The following UBE2Q2 variants were observed in gnomAD, a reference collection of about 807,000 sequenced individuals.
The protein encoded by UBE2Q2 is ubiquitin conjugating enzyme E2 Q2.
Under a neutral mutation model 59.9 loss-of-function variants are expected in UBE2Q2, and 54 were observed. The ratio of observed to expected loss-of-function variants is 0.90; its 90% confidence interval spans 0.72 to 1.13. UBE2Q2 has a LOEUF of 1.13. Among genes scored for constraint, UBE2Q2 ranks in the 50% most tolerant of loss-of-function variants. The pLI, the probability that UBE2Q2 is intolerant of heterozygous loss-of-function variation, is 0.00. For missense variants in UBE2Q2, 433 were observed against 441.9 expected (o/e 0.98, Z 0.18); for synonymous variants, 165 against 155.2 (o/e 1.06, Z -0.47).
intron 8 of UBE2Q2, among the ~76,000 whole-genome samples, chr15:75,879,956 T>C (rs1898311625): frequency 6.6e-6 from 1 of 152,150 alleles, no homozygotes; most frequent in Non-Finnish European, 1.5e-5. Context: ...CTGAAAGGTA[T>C]ATCTGCGCAG....
Position 75,891,076 on chromosome 15 carries a change from T to C in UBE2Q2, c.1029+62T>C, listed in dbSNP as rs1899073922. On this transcript the variant is annotated intron_variant, in intron 11 of 12. Coordinates refer to ENST00000267938, the MANE Select transcript of UBE2Q2 (RefSeq NM_173469.4). ...ACATTTTATATTACTTTATAAGCTTTCTTCCTGTCTTGACTTAATTCTTTT... is the reference window on the plus strand; with the variant it reads ...ACATTTTATATTACTTTATAAGCTTCCTTCCTGTCTTGACTTAATTCTTTT... 4 of 1,301,602 alleles carry C rather than the reference T, an allele frequency of 3.1e-6. No individual in the cohort carries two copies. The South Asian group carries it at 4.0e-5, about 13-fold the overall frequency. The allele number at this position is 1,301,602 out of a possible 1,614,324, so 80.6% of individuals were successfully genotyped here. A position where few individuals can be genotyped will look rare whatever the true frequency, so the allele number is the denominator to read the frequency against.
intron 3 of UBE2Q2, 84 bp downstream of exon 3, chr15:75,860,066 G>T (rs1897132687): frequency 1.0e-6 from 1 of 965,046 alleles, no homozygotes; most frequent in African/African-American, 1.7e-5. Context: ...TCTTTTTATT[G>T]TTCAACTTAT....
intron 12 of UBE2Q2, among the ~76,000 whole-genome samples, chr15:75,898,391 T>A (rs182194797): frequency 0.022 from 3,356 of 152,170 alleles, 145 homozygotes; most frequent in African/African-American, 0.076. Context: ...TTTGTTATTT[T>A]AAAAAAATAG....
chr15:75,858,870 A>C (rs1897063606), intron 2 of UBE2Q2, among the ~76,000 whole-genome samples: 1 of 152,218 alleles, frequency 6.6e-6, no homozygotes, highest in African/African-American at 2.4e-5. Context: ...TTTACCGTTC[A>C]ACCTTCCTCA....
chr15:75,855,063 TA>T (rs1331243108), intron 2 of UBE2Q2, among the ~76,000 whole-genome samples: 143 of 152,356 alleles, frequency 9.4e-4, no homozygotes, highest in African/African-American at 3.2e-3. Context: ...TTTCTCTACC[TA>T]ATATAACCAC....
rs912633825 is a variant in UBE2Q2 at position 75,843,615 on chromosome 15, C to G, written c.-52C>G. 6 of 1,512,850 alleles carry G rather than the reference C, an allele frequency of 4.0e-6. No homozygotes were observed. In the African/African-American group the frequency reaches 8.7e-5, roughly 22 times the overall value. The allele number at this position is 1,512,850 out of a possible 1,614,324, so 93.7% of individuals were successfully genotyped here. On this transcript the variant is annotated 5_prime_UTR_variant, in exon 1 of 13. Coordinates refer to ENST00000267938, the MANE Select transcript of UBE2Q2 (RefSeq NM_173469.4). The stretch of plus-strand genomic sequence containing the variant: ...GACGGCGGCTCCGGGCCCGGCTCCC[C>G]TTCCGCGCCCGGCTCCCCTTCCGCG...
At chr15:75,877,106 A>G (rs1318157219) in intron 6 of UBE2Q2, among the ~76,000 whole-genome samples, 1 of 133,038 alleles carries the variant, frequency 7.5e-6, no homozygotes, top group East Asian at 2.5e-4. Flanking sequence ...GGCTGTAGTG[A>G]GCCAAGATTG....
At chr15:75,863,842 A>G (rs775491635) in intron 3 of UBE2Q2, among the ~76,000 whole-genome samples, 1 of 151,988 alleles carries the variant, frequency 6.6e-6, no homozygotes, top group African/African-American at 2.4e-5. Context: ...GGGTTTCACC[A>G]TGTTGGCCAG....
chr15:75,858,835 C>T (rs932302156), intron 2 of UBE2Q2, among the ~76,000 whole-genome samples: 6 of 152,226 alleles, frequency 3.9e-5, no homozygotes, highest in Admixed American at 3.9e-4. Flanking sequence ...TCCGTTTAAG[C>T]ATGAAGATTT....
intron 9 of UBE2Q2, among the ~76,000 whole-genome samples, chr15:75,887,567 T>C (rs1898855465): frequency 7.1e-6 from 1 of 140,856 alleles, no homozygotes; most frequent in South Asian, 2.2e-4. Flanking sequence ...GCCACAGATC[T>C]TTTTTTTTTT....
intron 4 of UBE2Q2, among the ~76,000 whole-genome samples, chr15:75,869,804 T>C (rs1315774328): frequency 6.6e-6 from 1 of 152,218 alleles, no homozygotes; most frequent in Non-Finnish European, 1.5e-5. Context: ...CCAAAGACAT[T>C]GAGCTTAGGC....
In UBE2Q2 at chr15:75,878,019, G is replaced by C; in HGVS notation, c.732G>C (p.Gln244His). 1 of 1,613,724 alleles carries C rather than the reference G, an allele frequency of 6.2e-7. No individual in the cohort carries two copies. Among genetic ancestry groups the C allele is most frequent in the Non-Finnish European group, 8.5e-7 (1 of 1,179,830 alleles). The part of the protein sequence containing the change: ...DSLYDWHVKL[Q>H]KVDPDSPLHS... ...TATATGACTGGCATGTTAAACTGCA[G>C]AAGTAAGTGGCTTTTTAATGCTCAC... Residue 244 changes from glutamine to histidine, a missense_variant and splice_region_variant, in exon 7 of 13, where the codon CAG becomes CAC. Physicochemically the swap from Gln to His is conservative, Grantham distance 24. Transcript: ENST00000267938.
chr15:75,856,269 G>GTGTGTATATATATATATATATATA (rs1256142539), intron 2 of UBE2Q2, among the ~76,000 whole-genome samples: 1 of 139,278 alleles, frequency 7.2e-6, no homozygotes, highest in African/African-American at 2.7e-5. Flanking sequence ...GTGTGTGTGT[G>GTGTGTATATATATATATATATATA]TATATATATA....
intron 9 of UBE2Q2, among the ~76,000 whole-genome samples, chr15:75,885,863 G>A (rs1395483039): frequency 6.6e-6 from 1 of 152,148 alleles, no homozygotes; most frequent in Non-Finnish European, 1.5e-5. Context: ...CAGTAAAATT[G>A]CTATAAAAAG....
chr15:75,855,341 A>G (rs998495132), intron 2 of UBE2Q2, among the ~76,000 whole-genome samples: 1 of 152,148 alleles, frequency 6.6e-6, no homozygotes, highest in Non-Finnish European at 1.5e-5. Context: ...ACATATAAAA[A>G]TTAACTGGGC....
chr15:75,873,473 A>T lies in UBE2Q2; in HGVS notation c.493A>T (p.Ile165Phe), dbSNP rs745527951. 9.3e-6 allele frequency: 15 copies of T among 1,613,716 alleles called. No homozygotes were observed. The highest frequency in any genetic ancestry group is 4.4e-5 in the South Asian group (4 of 91,054). Residue 165 changes from isoleucine to phenylalanine, a missense_variant, in exon 5 of 13, where the codon ATT becomes TTT. Physicochemically the swap from Ile to Phe is conservative, Grantham distance 21. Transcript: ENST00000267938. ...CTATGAGATGAAGGAAGAAGAGCCT[A>T]TTAGTGGGAAAAAGTCAGAGGATGA... Reference protein sequence around the residue: ...DHYEMKEEEPISGKKSEDEGI... With the variant: ...DHYEMKEEEPFSGKKSEDEGI...
chr15:75,843,575 G>T lies in UBE2Q2; in HGVS notation c.-92G>T, dbSNP rs574000774. ...AGCGCGGCCCAGGCCGGCCCCGCGG[G>T]GCGGTCGCGGCCGTGACGGCGGCTC... On this transcript the variant is annotated 5_prime_UTR_variant, in exon 1 of 13. Coordinates refer to ENST00000267938, the MANE Select transcript of UBE2Q2 (RefSeq NM_173469.4). 9.0e-7 allele frequency: 1 copy of T among 1,109,286 alleles called. No homozygotes were observed. The highest frequency in any genetic ancestry group is 1.2e-6 in the Non-Finnish European group (1 of 834,760). 68.7% of individuals were successfully genotyped at this position (1,109,286 alleles called of 1,614,324 possible).
chr15:75,864,290 T>G (rs1897342105), intron 3 of UBE2Q2, among the ~76,000 whole-genome samples: 1 of 86,618 alleles, frequency 1.2e-5, no homozygotes, highest in African/African-American at 4.5e-5. Flanking sequence ...ACACAGTAAT[T>G]TTCAACTGGA....
intron 2 of UBE2Q2, among the ~76,000 whole-genome samples, chr15:75,856,269 G>GTATATATATATATA (rs60490503): frequency 3.6e-5 from 5 of 139,278 alleles, no homozygotes; most frequent in African/African-American, 1.4e-4. Flanking sequence ...GTGTGTGTGT[G>GTATATATATATATA]TATATATATA....
Sources: gnomAD v4.1 joint callset for allele counts (sites outside exome capture counted in the v4.1 genomes callset) on GRCh38, gnomAD v4.1.1 for gene constraint, MANE v1.5 for transcripts, NCBI Gene and HGNC (gene_info 2026-07-23, HGNC 2026-07-21) for gene names.